PCDH9: variants seen among roughly 807,000 people sequenced by gnomAD.
PCDH9 encodes protocadherin-9.
PCDH9 carries 24 observed loss-of-function variants against 70.6 expected under a neutral mutation model. The observed-to-expected ratio is 0.34, with a 90% CI of 0.25 to 0.48. The LOEUF is 0.48. Ranked by LOEUF, PCDH9 falls within the 20% of genes least tolerant of loss-of-function variation. The probability of loss-of-function intolerance (pLI) is 0.99; values close to 1 mark genes in which losing one functional copy is unlikely to be tolerated. For missense variants in PCDH9, 1,281 were observed against 1,503.6 expected (o/e 0.85, Z 2.45); for synonymous variants, 562 against 558.5 (o/e 1.01, Z -0.09).
intron 4 of PCDH9, among the ~76,000 whole-genome samples, chr13:66,504,415 G>C (rs998763369): frequency 6.6e-6 from 1 of 152,134 alleles, no homozygotes. Flanking sequence ...TGAGCTGATT[G>C]TATAAGTGAG....
At chr13:66,896,203 A>G (rs2082176014) in intron 3 of PCDH9, among the ~76,000 whole-genome samples, 1 of 152,174 alleles carries the variant, frequency 6.6e-6, no homozygotes, top group Admixed American at 6.6e-5. Context: ...AAGTAATTGA[A>G]AAAAATACTG....
At chr13:66,620,069 A>G (rs1049831816) in intron 4 of PCDH9, among the ~76,000 whole-genome samples, 4 of 152,138 alleles carry the variant, frequency 2.6e-5, no homozygotes, top group Non-Finnish European at 5.9e-5. Flanking sequence ...TCTCTTTTTT[A>G]ATTATGCAAT....
At chr13:66,480,425 T>A (rs923740388) in intron 4 of PCDH9, among the ~76,000 whole-genome samples, 2 of 152,178 alleles carry the variant, frequency 1.3e-5, no homozygotes, top group Admixed American at 6.5e-5. Context: ...TATGTTGAAA[T>A]AACAGTGGCA....
intron 3 of PCDH9, among the ~76,000 whole-genome samples, chr13:66,664,730 G>T (rs2078069019): frequency 6.6e-6 from 1 of 151,908 alleles, no homozygotes; most frequent in Non-Finnish European, 1.5e-5. Flanking sequence ...AACATTTTTA[G>T]CCTGTATGTG....
intron 4 of PCDH9, among the ~76,000 whole-genome samples, chr13:66,622,236 C>T (rs368194205): frequency 3.3e-5 from 5 of 152,236 alleles, no homozygotes; most frequent in African/African-American, 9.6e-5. Context: ...TCCCCCGCTC[C>T]GTGGGCTCCT....
At chr13:66,797,692 A>T (rs1234136236) in intron 3 of PCDH9, among the ~76,000 whole-genome samples, 2 of 152,140 alleles carry the variant, frequency 1.3e-5, no homozygotes, top group African/African-American at 4.8e-5. Context: ...ACATAATATA[A>T]TCTCCCATAT....
At chr13:66,611,555 A>G (rs1304125685) in intron 4 of PCDH9, among the ~76,000 whole-genome samples, 1 of 152,186 alleles carries the variant, frequency 6.6e-6, no homozygotes, top group African/African-American at 2.4e-5. Context: ...TCTGCAAACA[A>G]CTAGTGCTAA....
intron 4 of PCDH9, among the ~76,000 whole-genome samples, chr13:66,590,042 T>C (rs2077018588): frequency 6.6e-6 from 1 of 152,048 alleles, no homozygotes; most frequent in South Asian, 2.1e-4. Flanking sequence ...GGCTGCCTTA[T>C]TGGCCAAAAT....
chr13:66,746,688 T>C (rs1479830563), intron 3 of PCDH9, among the ~76,000 whole-genome samples: 2 of 152,200 alleles, frequency 1.3e-5, no homozygotes, highest in East Asian at 3.8e-4. Flanking sequence ...GTGTCATCTA[T>C]TACACTTTTG....
chr13:66,688,629 A>G (rs1053467797), intron 3 of PCDH9, among the ~76,000 whole-genome samples: 1 of 152,148 alleles, frequency 6.6e-6, no homozygotes, highest in Non-Finnish European at 1.5e-5. Context: ...TTTTGTATCA[A>G]ATACTTCACC....
At chr13:67,025,733 T>C (rs551741545) in intron 2 of PCDH9, among the ~76,000 whole-genome samples, 2 of 152,284 alleles carry the variant, frequency 1.3e-5, no homozygotes, top group East Asian at 3.9e-4. Flanking sequence ...ACCTTGAAAG[T>C]AGTGATGATA....
At chr13:67,199,589 G>A (rs1264307379) in intron 2 of PCDH9, among the ~76,000 whole-genome samples, 1 of 151,916 alleles carries the variant, frequency 6.6e-6, no homozygotes, top group Non-Finnish European at 1.5e-5. Flanking sequence ...AGGAATTACA[G>A]CTCATGAAAA....
chr13:66,854,328 C>T (rs562854332), intron 3 of PCDH9, among the ~76,000 whole-genome samples: 1 of 152,096 alleles, frequency 6.6e-6, no homozygotes, highest in Non-Finnish European at 1.5e-5. Context: ...TCAATAAATG[C>T]TTTCGTTATT....
chr13:66,484,963 G>A (rs1172333086), intron 4 of PCDH9, among the ~76,000 whole-genome samples: 2 of 152,126 alleles, frequency 1.3e-5, no homozygotes, highest in Non-Finnish European at 2.9e-5. Context: ...ACCCTTTAAA[G>A]TTCTCTCTAG....
At chr13:67,076,635 G>A (rs1360142892) in intron 2 of PCDH9, among the ~76,000 whole-genome samples, 1 of 152,116 alleles carries the variant, frequency 6.6e-6, no homozygotes, top group African/African-American at 2.4e-5. Flanking sequence ...ATGAGGAAGG[G>A]AAATCACATT....
chr13:66,765,027 G>A (rs969009004), intron 3 of PCDH9, among the ~76,000 whole-genome samples: 3 of 144,112 alleles, frequency 2.1e-5, no homozygotes, highest in East Asian at 2.2e-4. Context: ...TTTCTCTTTC[G>A]CTCTCTCTCT....
chr13:67,175,686 G>T (rs2138462127), intron 2 of PCDH9, among the ~76,000 whole-genome samples: 1 of 152,240 alleles, frequency 6.6e-6, no homozygotes, highest in Non-Finnish European at 1.5e-5. Flanking sequence ...ATGAGAAAGA[G>T]AAATGAAAAC....
chr13:67,116,553 T>C (rs1190544469), intron 2 of PCDH9, among the ~76,000 whole-genome samples: 2 of 152,098 alleles, frequency 1.3e-5, no homozygotes, highest in Admixed American at 1.3e-4. Context: ...TGAATTCAAC[T>C]TGAATAAAAA....
intron 3 of PCDH9, among the ~76,000 whole-genome samples, chr13:66,792,749 G>GA (rs1319958888): frequency 6.6e-6 from 1 of 152,028 alleles, no homozygotes; most frequent in African/African-American, 2.4e-5. Context: ...GATTACCTTT[G>GA]AAAAAATCTG....
Sources: gnomAD v4.1 joint callset for allele counts (sites outside exome capture counted in the v4.1 genomes callset) on GRCh38, gnomAD v4.1.1 for gene constraint, MANE v1.5 for transcripts, NCBI Gene and HGNC (gene_info 2026-07-23, HGNC 2026-07-21) for gene names.